The following CADPS variants were observed in gnomAD, a reference collection of about 807,000 sequenced individuals.
CADPS encodes the protein calcium-dependent secretion activator 1.
In CADPS, 57 loss-of-function variants were observed where a neutral mutation model predicts 167.3. The ratio of observed to expected loss-of-function variants is 0.34; its 90% CI spans 0.28 to 0.42. The LOEUF is 0.42. Ranked by LOEUF, CADPS falls within the 20% of genes least tolerant of loss-of-function variation. The pLI is 1.00. For missense variants in CADPS, 1,414 were observed against 1,738.1 expected (o/e 0.81, Z 3.32); for synonymous variants, 676 against 635.3 (o/e 1.06, Z -0.96).
At chr3:62,675,509 T>C (rs891620467) in intron 3 of CADPS, among the ~76,000 whole-genome samples, 12 of 152,146 alleles carry the variant, frequency 7.9e-5, no homozygotes, top group Non-Finnish European at 1.5e-4. Flanking sequence ...AAGGCAAATA[T>C]GACCTTGGCT....
intron 3 of CADPS, among the ~76,000 whole-genome samples, chr3:62,729,273 G>A (rs556559733): frequency 6.6e-6 from 1 of 151,930 alleles, no homozygotes; most frequent in East Asian, 1.9e-4. Context: ...CCCTCATAAT[G>A]GAATGACTAA....
At chr3:62,799,904 G>A (rs571796355) in intron 1 of CADPS, among the ~76,000 whole-genome samples, 47 of 152,158 alleles carry the variant, frequency 3.1e-4, no homozygotes, top group Non-Finnish European at 6.0e-4. Flanking sequence ...ATGTCAAACA[G>A]TCTTGGAAAG....
At chr3:62,846,129 C>G in intron 1 of CADPS, among the ~76,000 whole-genome samples, 1 of 151,868 alleles carries the variant, frequency 6.6e-6, no homozygotes, top group East Asian at 1.9e-4. Flanking sequence ...TCCCTTCTAC[C>G]ATGATTGTAA....
intron 7 of CADPS, among the ~76,000 whole-genome samples, chr3:62,588,313 T>TTC: frequency 6.6e-6 from 1 of 151,612 alleles, no homozygotes; most frequent in East Asian, 1.9e-4. Flanking sequence ...TTTTTTTTTT[T>TTC]CCTAGCAGAA....
intron 21 of CADPS, among the ~76,000 whole-genome samples, chr3:62,484,082 A>T (rs2150911524): frequency 6.6e-6 from 1 of 152,340 alleles, no homozygotes; most frequent in African/African-American, 2.4e-5. Flanking sequence ...TAATCAAAAC[A>T]TATTGTATTT....
intron 11 of CADPS, among the ~76,000 whole-genome samples, chr3:62,547,227 G>A (rs1156918964): frequency 6.6e-6 from 1 of 152,188 alleles, no homozygotes; most frequent in African/African-American, 2.4e-5. Context: ...CACACTATTA[G>A]ACTGAAGTTC....
intron 6 of CADPS, among the ~76,000 whole-genome samples, chr3:62,604,403 A>T (rs1019888494): frequency 6.6e-6 from 1 of 152,146 alleles, no homozygotes; most frequent in Non-Finnish European, 1.5e-5. Context: ...AGGAACAATG[A>T]CTTCCAAGCT....
At chr3:62,400,743 G>A (rs1228426984) in intron 29 of CADPS, among the ~76,000 whole-genome samples, 1 of 151,670 alleles carries the variant, frequency 6.6e-6, no homozygotes, top group Non-Finnish European at 1.5e-5. Flanking sequence ...GGGATTATAG[G>A]TGCCCGCCAC....
At chr3:62,563,725 T>C (rs1562213331) in intron 9 of CADPS, among the ~76,000 whole-genome samples, 1 of 151,966 alleles carries the variant, frequency 6.6e-6, no homozygotes, top group Non-Finnish European at 1.5e-5. Context: ...CCAAAGTCCA[T>C]CGTATTATTG....
intron 27 of CADPS, among the ~76,000 whole-genome samples, chr3:62,442,688 A>C (rs1378052687): frequency 6.6e-6 from 1 of 152,174 alleles, no homozygotes; most frequent in Non-Finnish European, 1.5e-5. Flanking sequence ...CTTGGGAACC[A>C]GTGCTAGCTA....
At chr3:62,471,634 G>A (rs1385146946) in intron 24 of CADPS, among the ~76,000 whole-genome samples, 1 of 152,058 alleles carries the variant, frequency 6.6e-6, no homozygotes, top group Non-Finnish European at 1.5e-5. Flanking sequence ...AATCAAGCTG[G>A]GGAGGGACTG....
chr3:62,821,537 C>A (rs1427419413), intron 1 of CADPS, among the ~76,000 whole-genome samples: 4 of 152,118 alleles, frequency 2.6e-5, no homozygotes, highest in Non-Finnish European at 5.9e-5. Context: ...CTGCCTCCAT[C>A]TTCTCATGGC....
chr3:62,633,727 T>C (rs2065739992), intron 6 of CADPS, among the ~76,000 whole-genome samples: 1 of 152,146 alleles, frequency 6.6e-6, no homozygotes, highest in Admixed American at 6.5e-5. Context: ...CCTACATCTT[T>C]GCTTCACAGC....
intron 3 of CADPS, among the ~76,000 whole-genome samples, chr3:62,737,031 G>A (rs963204758): frequency 5.9e-5 from 9 of 151,712 alleles, no homozygotes; most frequent in Admixed American, 2.0e-4. Flanking sequence ...CCAGCTACTC[G>A]GGAGGCTGAG....
At chr3:62,590,148 C>A (rs1259747484) in intron 7 of CADPS, among the ~76,000 whole-genome samples, 1 of 150,222 alleles carries the variant, frequency 6.7e-6, no homozygotes, top group Non-Finnish European at 1.5e-5. Context: ...GAGATCACGC[C>A]ACTGTACTCC....
intron 1 of CADPS, among the ~76,000 whole-genome samples, chr3:62,789,964 T>C (rs955128173): frequency 6.6e-5 from 10 of 152,138 alleles, no homozygotes; most frequent in Non-Finnish European, 1.2e-4. Context: ...TTGAAAAAAA[T>C]AGCCATAGTC....
At chr3:62,560,388 G>A (rs939419069) in intron 9 of CADPS, among the ~76,000 whole-genome samples, 2 of 152,166 alleles carry the variant, frequency 1.3e-5, no homozygotes, top group African/African-American at 4.8e-5. Context: ...ACTGTATTTT[G>A]TTGATGAAAA....
intron 3 of CADPS, among the ~76,000 whole-genome samples, chr3:62,677,788 C>A (rs1169792940): frequency 6.6e-6 from 1 of 151,978 alleles, no homozygotes; most frequent in Non-Finnish European, 1.5e-5. Flanking sequence ...ACCAGCTGGG[C>A]TAAGATCTAA....
At chr3:62,673,531 C>T (rs1197977648) in intron 3 of CADPS, among the ~76,000 whole-genome samples, 1 of 152,124 alleles carries the variant, frequency 6.6e-6, no homozygotes, top group Non-Finnish European at 1.5e-5. Flanking sequence ...AAAATATTCA[C>T]TAAACACTTG....
Sources: allele counts gnomAD v4.1 joint callset (sites outside exome capture counted in the v4.1 genomes callset), GRCh38; gene constraint gnomAD v4.1.1; transcripts MANE v1.5; gene names NCBI Gene and HGNC (gene_info 2026-07-23, HGNC 2026-07-21).